Variants in CYB561D2 observed in about 807,000 individuals in gnomAD.
CYB561D2 encodes cytochrome b561 family member D2.
Under a neutral mutation model 20.2 loss-of-function variants are expected in CYB561D2, and 16 were observed. The observed-to-expected ratio is 0.79, with a 90% CI of 0.53 to 1.20. CYB561D2 has a LOEUF of 1.20. Among genes scored for constraint, CYB561D2 ranks in the 50% most tolerant of loss-of-function variants. The probability of loss-of-function intolerance (pLI) is 0.00; values close to 1 mark genes in which losing one functional copy is unlikely to be tolerated. For synonymous variants in CYB561D2, 135 were observed against 128.3 expected, an observed-to-expected ratio of 1.05 and a Z score of -0.35; for missense variants, 247 against 270.3, an observed-to-expected ratio of 0.91 and a Z score of 0.60.
In CYB561D2 at chr3:50,353,390, C is replaced by G. The variant is rs752300401; in HGVS notation, c.315C>G (p.Ile105Met). Residue 105 changes from isoleucine to methionine, a missense_variant, in exon 4 of 4, where the codon ATC becomes ATG. Coordinates refer to ENST00000425346, the MANE Select transcript of CYB561D2 (RefSeq NM_001291284.2). ...LCALLGLGLV[I>M]LHKEQLGKAH... Reference sequence around the variant, plus strand: ...CACTGCTGGGCCTCGGCCTTGTCATCCTCCACAAAGAGCAGCTTGGCAAAG... The same window carrying G: ...CACTGCTGGGCCTCGGCCTTGTCATGCTCCACAAAGAGCAGCTTGGCAAAG... 6 of 1,613,390 alleles carry G rather than the reference C, an allele frequency of 3.7e-6. No homozygotes were observed. Among genetic ancestry groups the G allele is most frequent in the African/African-American group, 1.3e-5 (1 of 74,942 alleles).
Position 50,353,304 on chromosome 3 carries a change from C to A in CYB561D2, c.229C>A (p.Leu77Ile). Residue 77 changes from leucine (L) to isoleucine (I), a missense_variant, in exon 4 of 4, where the codon CTC (leucine) becomes ATC (isoleucine). Transcript: ENST00000425346. ...TCCTGAGAGTTCGCTGCTGCACTCC[C>A]TCTCACGGAAAGGCCGAGCACGCTG... ...FSPESSLLHS[L>I]SRKGRARCHW... The A allele has an allele frequency of 6.2e-7, 1 of 1,603,634 alleles. No homozygotes were observed. Among genetic ancestry groups the A allele is most frequent in the Non-Finnish European group, 8.5e-7 (1 of 1,171,974 alleles).
chr3:50,353,153 T>G, intron 3 of CYB561D2, 88 bp from the exon 4 acceptor site: 1 of 1,489,396 alleles, frequency 6.7e-7, no homozygotes, highest in Non-Finnish European at 8.9e-7. Context: ...CAGCCCAGAC[T>G]CACTGGCAGC....
In CYB561D2 at chr3:50,353,941, G is replaced by C. The variant is rs1575567957; in HGVS notation, c.*197G>C. On this transcript the variant is annotated 3_prime_UTR_variant, in exon 4 of 4. Coordinates refer to ENST00000425346, the MANE Select transcript of CYB561D2 (RefSeq NM_001291284.2). ...TCCTTCCCCTTTCTCTGTCATCCCA[G>C]AGGAACATAGGCATCATGTGTCTGG... is the stretch of plus-strand genomic sequence containing the variant. 1.1e-5 allele frequency: 7 copies of C among 619,924 alleles called. No homozygotes were observed. The East Asian group carries it at 2.0e-4, about 17-fold the overall frequency. 38.4% of individuals were successfully genotyped at this position (619,924 alleles called of 1,614,324 possible).
At position 50,353,226 on chromosome 3, in the gene CYB561D2, C is replaced by T; in HGVS notation, c.166-15C>T. 6.5e-7 allele frequency: 1 copy of T among 1,541,934 alleles called. No homozygotes were observed. The highest frequency in any genetic ancestry group is 8.8e-7 in the Non-Finnish European group (1 of 1,139,524). ...CAGCACCCTCACTTGAGCTTCCCAT[C>T]CCCTGTTTCCTCAGTTCTCCTTCCT... On this transcript the variant is annotated splice_polypyrimidine_tract_variant and intron_variant, in intron 3 of 3. Transcript: ENST00000425346.
Position 50,350,889 on chromosome 3 carries a change from T to G in CYB561D2, c.-121T>G. 7.1e-7 allele frequency: 1 copy of G among 1,398,744 alleles called. No individual in the cohort carries two copies. The highest frequency in any genetic ancestry group is 1.6e-5 in the South Asian group (1 of 62,340). 86.6% of individuals were successfully genotyped at this position (1,398,744 alleles called of 1,614,324 possible). ...ACGTCGCACCCGGAAGTAAAGCGGC[T>G]CCGTGACGGAGCGGCGGTGCGCGCG... On this transcript the variant is annotated 5_prime_UTR_variant, in exon 1 of 4. Transcript: ENST00000425346. This position sits in a 1 kb window ranked among gnomAD's most constrained non-coding sequence, Gnocchi z 5.7.
At position 50,352,044 on chromosome 3, in the gene CYB561D2, G is replaced by A. The variant is rs1399335367; in HGVS notation, c.163G>A (p.Ala55Thr). ...CTGGCACCCGGTGCTTATGTCTTTG[G>A]CTGTAAGTAGTGGGCCTGGGCAGTT... ...FSWHPVLMSL[A>T]FSFLMTEALL... Residue 55 changes from alanine (A) to threonine (T), a missense_variant and splice_region_variant, in exon 3 of 4, where the codon GCT (alanine) becomes ACT (threonine). By Grantham distance (58) the Ala-to-Thr change is moderately conservative. Coordinates refer to ENST00000425346, the MANE Select transcript of CYB561D2 (RefSeq NM_001291284.2). 1 of 1,613,866 alleles carries A rather than the reference G, an allele frequency of 6.2e-7. No individual in the cohort carries two copies. Among genetic ancestry groups the A allele is most frequent in the African/African-American group, 1.3e-5 (1 of 74,902 alleles).
chr3:50,351,590 A>G (rs370787391), intron 2 of CYB561D2, 30 bp downstream of exon 2: 4 of 1,600,946 alleles, frequency 2.5e-6, no homozygotes, highest in Non-Finnish European at 3.4e-6. Context: ...GACTTCTGGG[A>G]AGGGAAGGGC....
intron 1 of CYB561D2, 75 bp from the exon 2 acceptor site, chr3:50,351,334 G>A (rs1386220960): frequency 3.4e-6 from 5 of 1,489,222 alleles, no homozygotes; most frequent in Non-Finnish European, 4.5e-6. Context: ...TGGCATTCCT[G>A]CCTTGCAGCC....
At chr3:50,352,728 G>GAAGACC (rs1257918090) in intron 3 of CYB561D2, among the ~76,000 whole-genome samples, 1 of 145,868 alleles carries the variant, frequency 6.9e-6, no homozygotes, top group Non-Finnish European at 1.5e-5. Context: ...TCAGAGTAAT[G>GAAGACC]AAGACCCAGG....
At chr3:50,351,683 T>G in intron 2 of CYB561D2, 123 bp downstream of exon 2, 1 of 1,382,104 alleles carries the variant, frequency 7.2e-7, no homozygotes, top group Non-Finnish European at 9.8e-7. Context: ...GAGCGATGAG[T>G]GAGGTGGAGC....
rs1465193778 is a variant in CYB561D2 at position 50,353,934 on chromosome 3, C to T, written c.*190C>T. On this transcript the variant is annotated 3_prime_UTR_variant, in exon 4 of 4. Coordinates refer to ENST00000425346, the MANE Select transcript of CYB561D2 (RefSeq NM_001291284.2). ...TCCCATTTCCTTCCCCTTTCTCTGT[C>T]ATCCCAGAGGAACATAGGCATCATG... The T allele has an allele frequency of 3.1e-6, 2 of 645,960 alleles. No individual in the cohort carries two copies. Among genetic ancestry groups the T allele is most frequent in the Non-Finnish European group, 5.2e-6 (2 of 385,512 alleles). The allele number at this position is 645,960 out of a possible 1,614,324, so 40.0% of individuals were successfully genotyped here. A position where few individuals can be genotyped will look rare whatever the true frequency, so the allele number is the denominator to read the frequency against.
In CYB561D2 at chr3:50,353,411, C is replaced by T. The variant is rs1033052403; in HGVS notation, c.336C>T (p.Gly112=). The change falls in exon 4 of 4, where the codon GGC becomes GGT. Residue 112 remains glycine (G), a synonymous_variant. Coordinates refer to ENST00000425346, the MANE Select transcript of CYB561D2 (RefSeq NM_001291284.2). The part of the protein sequence containing the change: ...GLVILHKEQL[G]KAHLVTRHGQ... ...TCATCCTCCACAAAGAGCAGCTTGG[C>T]AAAGCCCACCTGGTTACGCGGCATG... 7 of 1,613,164 alleles carry T rather than the reference C, an allele frequency of 4.3e-6. No homozygotes were observed. Among genetic ancestry groups the T allele is most frequent in the East Asian group, 2.2e-5 (1 of 44,898 alleles).
rs1703827504 is a variant in CYB561D2, at chr3:50,353,886, C to T, written c.*142C>T. On this transcript the variant is annotated 3_prime_UTR_variant, in exon 4 of 4. Coordinates refer to ENST00000425346, the MANE Select transcript of CYB561D2 (RefSeq NM_001291284.2). ...GCATTTGGAGGCCCGTGTGTGAATT[C>T]CTGCTCCTCATGCTGGAGTGCCTCC... is the stretch of plus-strand genomic sequence containing the variant. 2.1e-6 allele frequency: 2 copies of T among 947,772 alleles called. No homozygotes were observed. The highest frequency in any genetic ancestry group is 3.1e-6 in the Non-Finnish European group (2 of 645,614). The allele number at this position is 947,772 out of a possible 1,614,324, so 58.7% of individuals were successfully genotyped here.
In CYB561D2 at chr3:50,353,895, C is replaced by T. The variant is rs1222999350; in HGVS notation, c.*151C>T. 2 of 849,296 alleles carry T rather than the reference C, an allele frequency of 2.4e-6. No homozygotes were observed. The highest frequency in any genetic ancestry group is 3.6e-6 in the Non-Finnish European group (2 of 560,804). The allele number at this position is 849,296 out of a possible 1,614,324, so 52.6% of individuals were successfully genotyped here. A position where few individuals can be genotyped will look rare whatever the true frequency, so the allele number is the denominator to read the frequency against. ...GGCCCGTGTGTGAATTCCTGCTCCTCATGCTGGAGTGCCTCCCATTTCCTT... is the reference window on the plus strand; with the variant it reads ...GGCCCGTGTGTGAATTCCTGCTCCTTATGCTGGAGTGCCTCCCATTTCCTT... On this transcript the variant is annotated 3_prime_UTR_variant, in exon 4 of 4. Transcript: ENST00000425346.
Position 50,350,995 on chromosome 3 carries a change from A to C in CYB561D2, c.-26+11A>C. The C allele has an allele frequency of 2.0e-6, 2 of 1,007,050 alleles. No homozygotes were observed. The highest frequency in any genetic ancestry group is 8.0e-5 in the Admixed American group (2 of 24,854). 62.4% of individuals were successfully genotyped at this position (1,007,050 alleles called of 1,614,324 possible). On this transcript the variant is annotated intron_variant, in intron 1 of 3. Transcript: ENST00000425346. The surrounding 1 kb of genome is among the most constrained non-coding windows in gnomAD (Gnocchi z 5.7). ...CTGCGGCAGAGGCAGGCAAGTCCCT[A>C]GCGTGGAGGGGCAGCATGCTGGCAG...
chr3:50,351,521 T>G lies in CYB561D2; in HGVS notation c.88T>G (p.Phe30Val). The G allele has an allele frequency of 6.2e-7, 1 of 1,610,342 alleles. No homozygotes were observed. Among genetic ancestry groups the G allele is most frequent in the Non-Finnish European group, 8.5e-7 (1 of 1,178,290 alleles). The change falls in exon 2 of 4, where the codon TTT becomes GTT. Residue 30 changes from phenylalanine (F) to valine (V), a missense_variant. Phe to Val is a conservative substitution (Grantham distance 50). Coordinates refer to ENST00000425346, the MANE Select transcript of CYB561D2 (RefSeq NM_001291284.2). ...TGCCGCCCACCTTGTGGCCCTGGGC[T>G]TTACCATCTTTGTGGCTGTGCTTGC... ...GAAAHLVALG[F>V]TIFVAVLARP...
At chr3:50,351,935 C>T in intron 2 of CYB561D2, 74 bp from the exon 3 acceptor site, 1 of 1,579,206 alleles carries the variant, frequency 6.3e-7, no homozygotes, top group Non-Finnish European at 8.7e-7. Flanking sequence ...TGCTGGTATT[C>T]CTCAACCCTT....
chr3:50,351,956 A>G, intron 2 of CYB561D2, 53 bp from the exon 3 acceptor site: 1 of 1,597,708 alleles, frequency 6.3e-7, no homozygotes, highest in Non-Finnish European at 8.5e-7. Context: ...AAGGATTGGT[A>G]TGGCTGGTTT....
intron 3 of CYB561D2, 102 bp downstream of exon 3, chr3:50,352,148 A>G: frequency 7.2e-7 from 1 of 1,384,060 alleles, no homozygotes; most frequent in Non-Finnish European, 1.0e-6. Flanking sequence ...TCTGTTTGGA[A>G]GAGTTGCATG....
Sources: gnomAD v4.1 joint callset for allele counts (sites outside exome capture counted in the v4.1 genomes callset) on GRCh38, gnomAD v4.1.1 for gene constraint, Gnocchi (gnomAD v3.1) non-coding constraint, MANE v1.5 for transcripts, NCBI Gene and HGNC (gene_info 2026-07-23, HGNC 2026-07-21) for gene names.